The following ARMC8 variants were observed in gnomAD, a reference collection of about 807,000 sequenced individuals.
ARMC8 encodes the protein armadillo repeat-containing protein 8.
ARMC8 carries 20 observed loss-of-function variants against 99.3 expected under a neutral mutation model. The observed-to-expected ratio is 0.20, with a 90% confidence interval of 0.14 to 0.29. The LOEUF (loss-of-function observed/expected upper bound fraction) is 0.29, where lower values mean the gene tolerates loss of function less well. Among genes scored for constraint, ARMC8 ranks in the 10% least tolerant of loss-of-function variants. The pLI is 1.00. For synonymous variants in ARMC8, 263 were observed against 278.3 expected (o/e 0.95, Z 0.55); for missense variants, 569 against 809.5 (o/e 0.70, Z 3.60).
At chr3:138,243,951 C>T (rs540675518) in intron 11 of ARMC8, among the ~76,000 whole-genome samples, 1 of 151,996 alleles carries the variant, frequency 6.6e-6, no homozygotes, top group Non-Finnish European at 1.5e-5. Flanking sequence ...CTTTTAGTTA[C>T]GAGGTTATTT....
chr3:138,211,321 G>A (rs890348262), intron 2 of ARMC8, among the ~76,000 whole-genome samples: 1 of 152,198 alleles, frequency 6.6e-6, no homozygotes, highest in Non-Finnish European at 1.5e-5. Context: ...GGTATTAAAA[G>A]ATGATATCAC....
At chr3:138,198,595 C>T (rs2043873672) in intron 1 of ARMC8, among the ~76,000 whole-genome samples, 1 of 151,968 alleles carries the variant, frequency 6.6e-6, no homozygotes, top group Admixed American at 6.6e-5. Flanking sequence ...TCACTGCAAC[C>T]TCCGCCTCCC....
chr3:138,295,542 A>G (rs867935490), intron 21 of ARMC8, among the ~76,000 whole-genome samples: 12 of 152,242 alleles, frequency 7.9e-5, no homozygotes, highest in South Asian at 6.2e-4. Context: ...TATCACAACT[A>G]TATGCCAGTG....
intron 6 of ARMC8, among the ~76,000 whole-genome samples, chr3:138,233,727 A>G (rs1048618836): frequency 6.6e-6 from 1 of 152,204 alleles, no homozygotes; most frequent in African/African-American, 2.4e-5. Context: ...TCTTCATGAC[A>G]GTTGTTACTT....
At chr3:138,239,995 T>C (rs1212206743) in intron 10 of ARMC8, among the ~76,000 whole-genome samples, 3 of 152,198 alleles carry the variant, frequency 2.0e-5, no homozygotes, top group Admixed American at 1.3e-4. Flanking sequence ...CATTGTGATA[T>C]GTCATATACA....
At chr3:138,196,037 C>G (rs949596531) in intron 1 of ARMC8, among the ~76,000 whole-genome samples, 4 of 152,088 alleles carry the variant, frequency 2.6e-5, no homozygotes, top group African/African-American at 9.7e-5. Context: ...CCTATAAGAT[C>G]TATTAATATT....
intron 12 of ARMC8, chr3:138,262,727 A>G: frequency 2.3e-6 from 2 of 866,162 alleles, no homozygotes; most frequent in Non-Finnish European, 3.3e-6. Context: ...AAGGACAACC[A>G]AGGTTAAGAT....
chr3:138,210,160 G>A (rs941857990), intron 2 of ARMC8, among the ~76,000 whole-genome samples: 1 of 152,098 alleles, frequency 6.6e-6, no homozygotes, highest in Non-Finnish European at 1.5e-5. Flanking sequence ...GAATGCTTTT[G>A]CTTCTTTAAT....
chr3:138,254,423 A>G (rs2047281551), intron 12 of ARMC8, among the ~76,000 whole-genome samples: 1 of 152,174 alleles, frequency 6.6e-6, no homozygotes, highest in African/African-American at 2.4e-5. Flanking sequence ...GCCTGTGTAT[A>G]TAGAGGATAG....
chr3:138,198,986 A>T (rs1314444833), intron 1 of ARMC8, among the ~76,000 whole-genome samples: 1 of 152,032 alleles, frequency 6.6e-6, no homozygotes, highest in African/African-American at 2.4e-5. Flanking sequence ...TGTTTTTATG[A>T]TTGTGTTTGT....
At chr3:138,281,098 C>G (rs1223042802) in intron 18 of ARMC8, among the ~76,000 whole-genome samples, 2 of 152,070 alleles carry the variant, frequency 1.3e-5, no homozygotes, top group Non-Finnish European at 2.9e-5. Flanking sequence ...TAAAAATTAC[C>G]AAAAGAGACA....
chr3:138,291,685 ATC>A (rs1348969257), intron 21 of ARMC8, among the ~76,000 whole-genome samples: 1 of 152,234 alleles, frequency 6.6e-6, no homozygotes, highest in African/African-American at 2.4e-5. Context: ...GCTAGTAAAG[ATC>A]TCTCTGAGGA....
chr3:138,280,897 G>C (rs2049838781), intron 18 of ARMC8, among the ~76,000 whole-genome samples: 1 of 152,154 alleles, frequency 6.6e-6, no homozygotes, highest in African/African-American at 2.4e-5. Context: ...CAAAGTGCTG[G>C]GATTACAGGC....
At chr3:138,269,823 T>TC (rs1376301237) in intron 15 of ARMC8, among the ~76,000 whole-genome samples, 13 of 149,728 alleles carry the variant, frequency 8.7e-5, no homozygotes, top group Middle Eastern at 3.4e-3. Flanking sequence ...TTTCTTTCTT[T>TC]TTTTTTTTTT....
intron 1 of ARMC8, among the ~76,000 whole-genome samples, chr3:138,190,744 C>T (rs571958371): frequency 6.6e-6 from 1 of 152,274 alleles, no homozygotes; most frequent in South Asian, 2.1e-4. Flanking sequence ...TTCTGTACAT[C>T]TACTTTGAGC....
At chr3:138,206,566 CCTT>C (rs2044384358) in intron 1 of ARMC8, among the ~76,000 whole-genome samples, 1 of 152,218 alleles carries the variant, frequency 6.6e-6, no homozygotes, top group South Asian at 2.1e-4. Flanking sequence ...TGCTCCTTCA[CCTT>C]CTTTAGGACT....
chr3:138,242,429 A>G (rs564784924), intron 11 of ARMC8, among the ~76,000 whole-genome samples: 1 of 152,194 alleles, frequency 6.6e-6, no homozygotes, highest in Non-Finnish European at 1.5e-5. Flanking sequence ...TCTTTTTCCC[A>G]GTTTCATACT....
chr3:138,207,608 CAT>C (rs1195219390), intron 1 of ARMC8, among the ~76,000 whole-genome samples: 17 of 152,298 alleles, frequency 1.1e-4, no homozygotes, highest in Non-Finnish European at 2.2e-4. Context: ...ACCAGGAAAA[CAT>C]GTACTCAAAT....
intron 1 of ARMC8, among the ~76,000 whole-genome samples, chr3:138,195,589 GA>G (rs1462197003): frequency 3.3e-5 from 5 of 152,218 alleles, no homozygotes; most frequent in African/African-American, 1.2e-4. Context: ...CAGCAGACAG[GA>G]ATGTCAGTGA....
Sources: gnomAD v4.1 joint callset for allele counts (sites outside exome capture counted in the v4.1 genomes callset) on GRCh38, gnomAD v4.1.1 for gene constraint, MANE v1.5 for transcripts, NCBI Gene and HGNC (gene_info 2026-07-23, HGNC 2026-07-21) for gene names.